The following FBXO9 variants were observed in gnomAD, a reference collection of about 807,000 sequenced individuals.
FBXO9 encodes the protein F-box protein 9.
FBXO9 carries 43 observed loss-of-function variants against 63.7 expected under a neutral mutation model. The ratio of observed to expected loss-of-function variants is 0.67; its 90% CI spans 0.53 to 0.87. FBXO9 has a LOEUF of 0.87. Among genes scored for constraint, FBXO9 ranks in the 40% least tolerant of loss-of-function variants. FBXO9 has a pLI of 0.00. For missense variants in FBXO9, 442 were observed against 533.2 expected, an observed-to-expected ratio of 0.83 and a Z score of 1.68; for synonymous variants, 156 against 171.7, an observed-to-expected ratio of 0.91 and a Z score of 0.72.
rs1363676819 is a variant in FBXO9 at position 53,078,844 on chromosome 6, A to C, written c.353A>C (p.Glu118Ala). 1.2e-6 allele frequency: 2 copies of C among 1,613,824 alleles called. No homozygotes were observed. Among genetic ancestry groups the C allele is most frequent in the Non-Finnish European group, 1.7e-6 (2 of 1,179,852 alleles). Residue 118 changes from glutamate to alanine, a missense_variant, in exon 5 of 13, where the codon GAG (glutamate) becomes GCG (alanine). By Grantham distance (107) the Glu-to-Ala change is moderately radical. Coordinates refer to ENST00000323557, the MANE Select transcript of FBXO9 (RefSeq NM_033480.3). ...RRAMQLVPDIEFKITYTRSPD... is the reference protein window; with the variant it reads ...RRAMQLVPDIAFKITYTRSPD... ...GCTATGCAACTTGTACCTGATATAG[A>C]GTTCAAGATTACTTATACCCGGTCT...
Position 53,076,473 on chromosome 6 carries a change from T to C in FBXO9, c.250-13T>C. The C allele has an allele frequency of 6.6e-7, 1 of 1,519,218 alleles. No homozygotes were observed. Among genetic ancestry groups the C allele is most frequent in the Non-Finnish European group, 8.8e-7 (1 of 1,139,566 alleles). The allele number at this position is 1,519,218 out of a possible 1,614,324, so 94.1% of individuals were successfully genotyped here. The stretch of plus-strand genomic sequence containing the variant: ...TGCAGGTTTTCAAAAATTTTTACTT[T>C]ATATTTTTATAGGCTCGAGAACTCT... On this transcript the variant is annotated splice_polypyrimidine_tract_variant and intron_variant, in intron 3 of 12. Coordinates refer to ENST00000323557, the MANE Select transcript of FBXO9 (RefSeq NM_033480.3).
intron 11 of FBXO9, among the ~76,000 whole-genome samples, chr6:53,094,327 A>G (rs1471649349): frequency 6.6e-6 from 1 of 152,194 alleles, no homozygotes; most frequent in Non-Finnish European, 1.5e-5. Context: ...TAGCTCATAT[A>G]GATAATTCTT....
chr6:53,066,363 C>T lies in FBXO9; in HGVS notation c.3+571C>T, dbSNP rs145623700. On this transcript the variant is annotated intron_variant, in intron 1 of 12. Transcript: ENST00000323557. ...GGAGTGGGGTTGGAGGGTTCGTCTC[C>T]GCGGCGTCGGTGCCGTCCAAATGAG... Among the ~76,000 whole-genome samples, 854 of 152,282 alleles carry T rather than the reference C, an allele frequency of 5.6e-3. 12 individuals carry two copies. Among genetic ancestry groups the T allele is most frequent in the African/African-American group, 0.018 (764 of 41,534 alleles).
rs1414332497 is a variant in FBXO9, at chr6:53,073,464, T to C, written c.91-17T>C. The C allele has an allele frequency of 6.2e-7, 1 of 1,611,142 alleles. No individual in the cohort carries two copies. The highest frequency in any genetic ancestry group is 1.7e-5 in the Admixed American group (1 of 59,508). The stretch of plus-strand genomic sequence containing the variant: ...TACCCTTCCTTGATGAGTCCTAAAA[T>C]GCTGTTCTCCCCATAGGCACAACTC... On this transcript the variant is annotated splice_polypyrimidine_tract_variant and intron_variant, in intron 2 of 12. Transcript: ENST00000323557.
chr6:53,074,643 C>T (rs1769036612), intron 3 of FBXO9, among the ~76,000 whole-genome samples: 1 of 152,224 alleles, frequency 6.6e-6, no homozygotes, highest in South Asian at 2.1e-4. Context: ...TAACCACTGG[C>T]AACCACTAGT....
intron 7 of FBXO9, among the ~76,000 whole-genome samples, chr6:53,083,621 C>G (rs529482206): frequency 2.8e-4 from 43 of 152,188 alleles, no homozygotes; most frequent in Admixed American, 2.1e-3. Flanking sequence ...GGGCAGATGT[C>G]CTTGCAGCAA....
rs1322508562 is a variant in FBXO9, at chr6:53,100,817, G to A, written c.*2987G>A. 3 of 151,990 alleles carry A rather than the reference G, an allele frequency of 2.0e-5. No homozygotes were observed. Among genetic ancestry groups the A allele is most frequent in the East Asian group, 3.9e-4 (2 of 5,190 alleles). 9.4% of individuals were successfully genotyped at this position (151,990 alleles called of 1,614,324 possible). ...TTTATACTCCTCTTTACGCATTTTG[G>A]TTTTCTAATTTAATGGTAGTGTAAA... On this transcript the variant is annotated 3_prime_UTR_variant, in exon 13 of 13. Coordinates refer to ENST00000323557, the MANE Select transcript of FBXO9 (RefSeq NM_033480.3).
At chr6:53,088,998 T>C (rs1445234571) in intron 7 of FBXO9, among the ~76,000 whole-genome samples, 4 of 150,772 alleles carry the variant, frequency 2.7e-5, no homozygotes, top group African/African-American at 9.7e-5. Context: ...CTCGGCTCAC[T>C]GCAAGCTCCG....
At chr6:53,096,920 A>C (rs1415800799) in intron 12 of FBXO9, among the ~76,000 whole-genome samples, 1 of 152,206 alleles carries the variant, frequency 6.6e-6, no homozygotes, top group East Asian at 1.9e-4. Flanking sequence ...AGAAAAAAAG[A>C]AACCAAACCC....
intron 7 of FBXO9, among the ~76,000 whole-genome samples, chr6:53,090,423 G>T (rs7774701): frequency 6.6e-6 from 1 of 152,128 alleles, no homozygotes; most frequent in South Asian, 2.1e-4. Flanking sequence ...TGCAGTGGTC[G>T]TTTACATCTA....
chr6:53,081,890 G>A (rs1769327207), intron 6 of FBXO9, among the ~76,000 whole-genome samples: 1 of 152,048 alleles, frequency 6.6e-6, no homozygotes, highest in South Asian at 2.1e-4. Flanking sequence ...CCAACATGGT[G>A]AAACCCCACC....
intron 7 of FBXO9, among the ~76,000 whole-genome samples, chr6:53,090,662 GTTT>G (rs1763015841): frequency 1.3e-5 from 2 of 152,062 alleles, no homozygotes; most frequent in Non-Finnish European, 2.9e-5. Flanking sequence ...GATCTAAATA[GTTT>G]TTGCTTCATT....
chr6:53,068,509 A>G (rs1251939110), intron 1 of FBXO9, among the ~76,000 whole-genome samples: 1 of 152,198 alleles, frequency 6.6e-6, no homozygotes, highest in Non-Finnish European at 1.5e-5. Flanking sequence ...TTTCTTTACA[A>G]AAGCATTTAC....
chr6:53,097,834 C>G lies in FBXO9; in HGVS notation c.*4C>G, dbSNP rs756588737. The G allele has an allele frequency of 5.1e-6, 8 of 1,574,332 alleles. No homozygotes were observed. The highest frequency in any genetic ancestry group is 6.9e-6 in the Non-Finnish European group (8 of 1,153,760). On this transcript the variant is annotated 3_prime_UTR_variant, in exon 13 of 13. Transcript: ENST00000323557. ...TTTCTCAGAAAGGCCTCTGTAGAGC[C>G]TCAAGTCCAGTCCTCTATCACTTTT...
chr6:53,084,569 T>C (rs1160173230), intron 7 of FBXO9, among the ~76,000 whole-genome samples: 7 of 152,354 alleles, frequency 4.6e-5, no homozygotes, highest in Admixed American at 4.6e-4. Flanking sequence ...CTGATTTATG[T>C]TTGAATGTCT....
Position 53,098,205 on chromosome 6 carries a change from T to A in FBXO9, c.*375T>A, listed in dbSNP as rs553141731. The A allele has an allele frequency of 5.6e-6, 2 of 356,004 alleles. No homozygotes were observed. Among genetic ancestry groups the A allele is most frequent in the South Asian group, 4.3e-5 (2 of 46,128 alleles). 22.1% of individuals were successfully genotyped at this position (356,004 alleles called of 1,614,324 possible). A position where few individuals can be genotyped will look rare whatever the true frequency, so the allele number is the denominator to read the frequency against. The stretch of plus-strand genomic sequence containing the variant: ...TCACATAAGTCGTCTTCTGCTTGAG[T>A]ATCCTAATATTTCAATGCATCAGGG... On this transcript the variant is annotated 3_prime_UTR_variant, in exon 13 of 13. Coordinates refer to ENST00000323557, the MANE Select transcript of FBXO9 (RefSeq NM_033480.3).
At position 53,099,493 on chromosome 6, in the gene FBXO9, T is replaced by A. The variant is rs1763297857; in HGVS notation, c.*1663T>A. On this transcript the variant is annotated 3_prime_UTR_variant, in exon 13 of 13. Transcript: ENST00000323557. ...TGGTGACTCACACCTATAATCCCAA[T>A]ACTTTGGGAGGCCAAGGCAGGAGGA... 6.6e-6 allele frequency: 1 copy of A among 150,764 alleles called. No individual in the cohort carries two copies. The allele number at this position is 150,764 out of a possible 1,614,324, so 9.3% of individuals were successfully genotyped here.
chr6:53,083,033 A>G (rs1769364553), intron 7 of FBXO9, among the ~76,000 whole-genome samples: 2 of 152,154 alleles, frequency 1.3e-5, no homozygotes, highest in African/African-American at 4.8e-5. Flanking sequence ...AAATTTTGCT[A>G]TGTGTGGGAA....
chr6:53,082,612 G>C lies in FBXO9; in HGVS notation c.647G>C (p.Cys216Ser), dbSNP rs749049020. 1 of 1,609,094 alleles carries C rather than the reference G, an allele frequency of 6.2e-7. No homozygotes were observed. Residue 216 changes from cysteine to serine, a missense_variant, in exon 7 of 13, where the codon TGT (cysteine) becomes TCT (serine). Physicochemically the swap from Cys to Ser is moderately radical, Grantham distance 112 (BLOSUM62 -1). Coordinates refer to ENST00000323557, the MANE Select transcript of FBXO9 (RefSeq NM_033480.3). ...LSLVCRGFYI[C>S]ARDPEIWRLA... Reference sequence around the variant, plus strand: ...CTGGTGTGCAGAGGATTCTACATCTGTGCCAGGTACTAAGTTTTTGTTTTT... The same window carrying C: ...CTGGTGTGCAGAGGATTCTACATCTCTGCCAGGTACTAAGTTTTTGTTTTT...
Sources: gnomAD v4.1 joint callset for allele counts (sites outside exome capture counted in the v4.1 genomes callset) on GRCh38, gnomAD v4.1.1 for gene constraint, MANE v1.5 for transcripts, NCBI Gene and HGNC (gene_info 2026-07-23, HGNC 2026-07-21) for gene names.